The following MMP20 variants were observed in gnomAD, a reference collection of about 807,000 sequenced individuals.
MMP20 encodes matrix metalloproteinase-20.
A neutral mutation model predicts 51.8 loss-of-function variants in MMP20; 50 were observed. The observed-to-expected ratio is 0.97, with a 90% CI of 0.77 to 1.22. MMP20 has a LOEUF of 1.22. MMP20 is among the 50% of genes most tolerant of loss of function. MMP20 has a pLI of 0.00. For missense variants in MMP20, 663 were observed against 601.4 expected (o/e 1.10, Z -1.07); for synonymous variants, 244 against 216.2 (o/e 1.13, Z -1.13).
intron 8 of MMP20, among the ~76,000 whole-genome samples, chr11:102,582,498 C>G (rs1168039424): frequency 4.6e-5 from 7 of 152,136 alleles, no homozygotes; most frequent in Admixed American, 4.6e-4. Flanking sequence ...ATGATTTCAG[C>G]CAGAAATCAC....
At position 102,611,791 on chromosome 11, in the gene MMP20, C is replaced by G; in HGVS notation, c.487G>C (p.Gly163Arg). The change falls in exon 3 of 10, where the codon GGA becomes CGA. Residue 163 changes from glycine to arginine, a missense_variant. Coordinates refer to ENST00000260228, the MANE Select transcript of MMP20 (RefSeq NM_004771.4). ...VPLSFVRINS[G>R]EADIMISFEN... is the part of the protein sequence containing the mutation. ...AAAGATATCATAATATCCGCTTCTC[C>G]TGAGTTTATTCTGACAAAGCTCAGA... is the stretch of plus-strand genomic sequence containing the variant. 1 of 1,614,202 alleles carries G rather than the reference C, an allele frequency of 6.2e-7. No homozygotes were observed. Among genetic ancestry groups the G allele is most frequent in the Non-Finnish European group, 8.5e-7 (1 of 1,180,032 alleles).
intron 2 of MMP20, among the ~76,000 whole-genome samples, chr11:102,613,274 A>G (rs1018195324): frequency 2.6e-4 from 39 of 152,188 alleles, no homozygotes; most frequent in Non-Finnish European, 5.1e-4. Flanking sequence ...AGGGAGGGCA[A>G]CTTCTACCCG....
chr11:102,578,102 G>C (rs1453550925), intron 9 of MMP20, among the ~76,000 whole-genome samples: 6 of 151,744 alleles, frequency 4.0e-5, no homozygotes, highest in Non-Finnish European at 2.9e-5. Context: ...AATTGCAGGA[G>C]TTGGATGATG....
At chr11:102,624,760 A>T (rs1859797965) in intron 1 of MMP20, among the ~76,000 whole-genome samples, 1 of 152,212 alleles carries the variant, frequency 6.6e-6, no homozygotes, top group East Asian at 1.9e-4. Context: ...GCCATTTAAA[A>T]AGTGGAAACA....
At chr11:102,584,939 T>C (rs1230852132) in intron 8 of MMP20, among the ~76,000 whole-genome samples, 3 of 152,180 alleles carry the variant, frequency 2.0e-5, no homozygotes, top group Non-Finnish European at 2.9e-5. Flanking sequence ...CATAGATACA[T>C]GGCTTTATTT....
chr11:102,605,870 CA>C lies in MMP20; in HGVS notation c.953+664del, dbSNP rs1167363613. 2.6e-5 allele frequency among the ~76,000 whole-genome samples: 4 copies of C among 152,274 alleles called. 1 individual carries two copies. In the South Asian group the frequency reaches 6.2e-4, roughly 24 times the overall value. ...AAGAAGTATTTGGAGTAACCAGCAT[CA>C]TGGAGACAACAGCCTTACTCCCCAA... is the stretch of plus-strand genomic sequence containing the variant. On this transcript the variant is annotated intron_variant, in intron 6 of 9. Transcript: ENST00000260228.
intron 2 of MMP20, among the ~76,000 whole-genome samples, chr11:102,613,095 T>C (rs1711413): frequency 0.42 from 64,006 of 151,968 alleles, 13,869 homozygotes; most frequent in South Asian, 0.59. Flanking sequence ...CTCACTGGAA[T>C]TGAAAAAAGG....
intron 1 of MMP20, among the ~76,000 whole-genome samples, chr11:102,618,305 T>C (rs554866774): frequency 1.3e-5 from 2 of 151,780 alleles, no homozygotes; most frequent in Non-Finnish European, 2.9e-5. Flanking sequence ...TTTATATTTA[T>C]ATAGTATAGA....
chr11:102,584,235 C>T (rs1252012013), intron 8 of MMP20, among the ~76,000 whole-genome samples: 2 of 152,174 alleles, frequency 1.3e-5, no homozygotes, highest in Admixed American at 6.5e-5. Context: ...TACTAATTTA[C>T]ATTTCTACTA....
intron 6 of MMP20, among the ~76,000 whole-genome samples, chr11:102,603,329 C>T (rs949124829): frequency 6.6e-6 from 1 of 152,142 alleles, no homozygotes; most frequent in Non-Finnish European, 1.5e-5. Flanking sequence ...TTAGCAAGCA[C>T]TCTGGGACTT....
rs532064751 is a variant in MMP20, at chr11:102,611,668, G to A, written c.523+87C>T. 1.7e-5 allele frequency: 25 copies of A among 1,509,158 alleles called. No individual in the cohort carries two copies. The South Asian group carries it at 2.5e-4, about 15-fold the overall frequency. 93.5% of individuals were successfully genotyped at this position (1,509,158 alleles called of 1,614,324 possible). ...ACAGCACTGTGCGAAGGAGGAGTGTGTGATCACTCGAATTAAAGATGTAGA... is the reference window on the plus strand; with the variant it reads ...ACAGCACTGTGCGAAGGAGGAGTGTATGATCACTCGAATTAAAGATGTAGA... On this transcript the variant is annotated intron_variant, in intron 3 of 9. Coordinates refer to ENST00000260228, the MANE Select transcript of MMP20 (RefSeq NM_004771.4).
intron 6 of MMP20, among the ~76,000 whole-genome samples, chr11:102,605,762 C>A (rs1384880478): frequency 6.6e-6 from 1 of 152,122 alleles, no homozygotes; most frequent in Non-Finnish European, 1.5e-5. Context: ...GATGCCTCTG[C>A]CTATTCTGGT....
In MMP20 at chr11:102,609,027, A is replaced by G; in HGVS notation, c.721T>C (p.Ser241Pro). ...TTATAAGTTGGGTACATCAGTGCTGATGGGTCTGTGGAATGGGCCAGGCCC... is the reference window on the plus strand; with the variant it reads ...TTATAAGTTGGGTACATCAGTGCTGGTGGGTCTGTGGAATGGGCCAGGCCC... ...ALGLAHSTDPSALMYPTYKYK... is the reference protein window; with the variant it reads ...ALGLAHSTDPPALMYPTYKYK... The change falls in exon 5 of 10, where the codon TCA becomes CCA. Residue 241 changes from serine (S) to proline (P), a missense_variant. Ser to Pro is a moderately conservative substitution (Grantham distance 74). Transcript: ENST00000260228. 6.2e-7 allele frequency: 1 copy of G among 1,613,974 alleles called. No homozygotes were observed. Among genetic ancestry groups the G allele is most frequent in the East Asian group, 2.2e-5 (1 of 44,886 alleles).
At chr11:102,613,006 G>A (rs1229439759) in intron 2 of MMP20, among the ~76,000 whole-genome samples, 5 of 152,062 alleles carry the variant, frequency 3.3e-5, no homozygotes, top group African/African-American at 1.2e-4. Flanking sequence ...CAAAGTGCTC[G>A]GATTACAGGC....
At chr11:102,587,388 A>G (rs1859266695) in intron 8 of MMP20, among the ~76,000 whole-genome samples, 1 of 152,146 alleles carries the variant, frequency 6.6e-6, no homozygotes, top group African/African-American at 2.4e-5. Flanking sequence ...ATTCTGGGGA[A>G]TGTTCCATGT....
At chr11:102,586,493 C>T (rs1859255743) in intron 8 of MMP20, among the ~76,000 whole-genome samples, 1 of 152,002 alleles carries the variant, frequency 6.6e-6, no homozygotes, top group Non-Finnish European at 1.5e-5. Flanking sequence ...AATGTCTCCT[C>T]TTTTATTTCT....
Position 102,593,501 on chromosome 11 carries a change from A to C in MMP20, c.1185T>G (p.Asp395Glu). 6.2e-7 allele frequency: 1 copy of C among 1,614,204 alleles called. No individual in the cohort carries two copies. Among genetic ancestry groups the C allele is most frequent in the Non-Finnish European group, 8.5e-7 (1 of 1,180,004 alleles). ...FGFPRHVQQI[D>E]AAVYLREPQK... ...GTGGCTCCCTGAGGTAGACAGCAGC[A>C]TCTATTTGCTGCACGTGCCTTGGAA... is the stretch of plus-strand genomic sequence containing the variant. Residue 395 changes from aspartate (D) to glutamate (E), a missense_variant, in exon 8 of 10, where the codon GAT (aspartate) becomes GAG (glutamate). By Grantham distance (45) the Asp-to-Glu change is conservative. Transcript: ENST00000260228.
intron 8 of MMP20, among the ~76,000 whole-genome samples, chr11:102,587,432 G>A (rs1859267124): frequency 6.6e-6 from 1 of 152,094 alleles, no homozygotes; most frequent in Non-Finnish European, 1.5e-5. Context: ...TGCTCTTTTT[G>A]GGTATAGCAT....
At chr11:102,600,955 C>T (rs1057453781) in intron 6 of MMP20, among the ~76,000 whole-genome samples, 7 of 151,884 alleles carry the variant, frequency 4.6e-5, no homozygotes, top group Non-Finnish European at 8.8e-5. Context: ...ACCCTTTTTT[C>T]CCAGATTTAT....
Sources: gnomAD v4.1 joint callset for allele counts (sites outside exome capture counted in the v4.1 genomes callset) on GRCh38, gnomAD v4.1.1 for gene constraint, MANE v1.5 for transcripts, NCBI Gene and HGNC (gene_info 2026-07-23, HGNC 2026-07-21) for gene names.